FTO: variants seen among roughly 807,000 people sequenced by gnomAD.
FTO encodes alpha-ketoglutarate-dependent dioxygenase FTO.
Under a neutral mutation model 63.9 loss-of-function variants are expected in FTO, and 47 were observed. That is an observed-to-expected ratio of 0.74 (90% CI 0.58 to 0.94). The LOEUF (loss-of-function observed/expected upper bound fraction) is 0.94, where lower values mean the gene tolerates loss of function less well. Among genes scored for constraint, FTO ranks in the 40% least tolerant of loss-of-function variants. The pLI is 0.00. For synonymous variants in FTO, 207 were observed against 224.4 expected (o/e 0.92, Z 0.69); for missense variants, 562 against 618.1 (o/e 0.91, Z 0.96).
chr16:53,888,823 G>A lies in FTO; in HGVS notation c.1120-9G>A. On this transcript the variant is annotated splice_polypyrimidine_tract_variant and intron_variant, in intron 6 of 8. Coordinates refer to ENST00000471389, the MANE Select transcript of FTO (RefSeq NM_001080432.3). ...ATTAAAACCACCATCTTCTCTTTAT[G>A]GTCCACAGGTCGAGTTTGAGTGGCT... 1.2e-6 allele frequency: 2 copies of A among 1,613,840 alleles called. No homozygotes were observed. The highest frequency in any genetic ancestry group is 2.2e-5 in the South Asian group (2 of 91,070).
At chr16:53,948,335 G>A (rs538362854) in intron 8 of FTO, among the ~76,000 whole-genome samples, 3 of 152,340 alleles carry the variant, frequency 2.0e-5, no homozygotes, top group Admixed American at 2.0e-4. Context: ...GAGTTTTCTA[G>A]TGAATGCTAG....
chr16:53,920,495 A>C (rs1257709860), intron 7 of FTO, among the ~76,000 whole-genome samples: 2 of 152,250 alleles, frequency 1.3e-5, no homozygotes, highest in African/African-American at 4.8e-5. Flanking sequence ...TACATAGGGC[A>C]CATATAAAGT....
chr16:53,848,453 A>G (rs906891923), intron 4 of FTO, among the ~76,000 whole-genome samples: 1 of 152,220 alleles, frequency 6.6e-6, no homozygotes, highest in Admixed American at 6.5e-5. Flanking sequence ...GCAGTGCCTG[A>G]GGACATGCTT....
At chr16:54,041,084 AT>A (rs1235787607) in intron 8 of FTO, among the ~76,000 whole-genome samples, 2 of 152,240 alleles carry the variant, frequency 1.3e-5, no homozygotes, top group Non-Finnish European at 2.9e-5. Flanking sequence ...TAAGGGTACT[AT>A]TACTTTATCA....
At chr16:53,865,473 T>G (rs2080282710) in intron 4 of FTO, among the ~76,000 whole-genome samples, 2 of 152,212 alleles carry the variant, frequency 1.3e-5, no homozygotes, top group African/African-American at 4.8e-5. Flanking sequence ...AATTGCATTT[T>G]GTAGTTATTA....
At chr16:53,714,766 A>G (rs1031054195) in intron 1 of FTO, among the ~76,000 whole-genome samples, 1 of 152,172 alleles carries the variant, frequency 6.6e-6, no homozygotes, top group African/African-American at 2.4e-5. Flanking sequence ...CTCATAAAAC[A>G]CGATCCTTGT....
At chr16:53,909,532 CTTTTTTTTTTTTTT>C (rs58121446) in intron 7 of FTO, among the ~76,000 whole-genome samples, 2 of 71,192 alleles carry the variant, frequency 2.8e-5, no homozygotes, top group African/African-American at 1.4e-4. Flanking sequence ...AGAGCCCCGC[CTTTTTTTTTTTTTT>C]TTTTTTTTTT....
intron 1 of FTO, among the ~76,000 whole-genome samples, chr16:53,750,523 G>A (rs1246888970): frequency 6.6e-6 from 1 of 152,188 alleles, no homozygotes; most frequent in South Asian, 2.1e-4. Flanking sequence ...ACAGGCATGA[G>A]CCACTGTGCT....
At chr16:53,936,435 C>A (rs755195406) in intron 8 of FTO, among the ~76,000 whole-genome samples, 3 of 152,180 alleles carry the variant, frequency 2.0e-5, no homozygotes, top group African/African-American at 7.2e-5. Context: ...CTCATCCATG[C>A]GATCCGTATA....
At chr16:53,877,117 C>T (rs115725811) in intron 5 of FTO, among the ~76,000 whole-genome samples, 1,944 of 152,328 alleles carry the variant, frequency 0.013, 38 homozygotes, top group African/African-American at 0.044. Flanking sequence ...CCCATGTGCA[C>T]TGCCAGAGGG....
chr16:54,095,746 C>G (rs1297863900), intron 8 of FTO, among the ~76,000 whole-genome samples: 1 of 152,112 alleles, frequency 6.6e-6, no homozygotes, highest in South Asian at 2.1e-4. Flanking sequence ...TCTGCTGCCC[C>G]CCGCCTGGGA....
chr16:53,934,802 C>T (rs1006229831), intron 8 of FTO, among the ~76,000 whole-genome samples: 2 of 152,120 alleles, frequency 1.3e-5, no homozygotes, highest in African/African-American at 4.8e-5. Flanking sequence ...GGACCACTGA[C>T]ATATATAAGG....
chr16:53,777,468 T>G (rs1371206828), intron 1 of FTO, among the ~76,000 whole-genome samples: 1 of 152,222 alleles, frequency 6.6e-6, no homozygotes, highest in Non-Finnish European at 1.5e-5. Flanking sequence ...CGAAGCTATC[T>G]CAATTAACTT....
At chr16:53,779,740 T>C (rs1383373944) in intron 1 of FTO, among the ~76,000 whole-genome samples, 1 of 152,196 alleles carries the variant, frequency 6.6e-6, no homozygotes, top group Non-Finnish European at 1.5e-5. Flanking sequence ...TAATTTATAG[T>C]TTTATCTCAA....
At chr16:53,859,329 A>G (rs2080102573) in intron 4 of FTO, among the ~76,000 whole-genome samples, 1 of 152,048 alleles carries the variant, frequency 6.6e-6, no homozygotes, top group African/African-American at 2.4e-5. Context: ...TCCATTAGCA[A>G]TTAAGAAGGA....
At chr16:53,888,140 G>A (rs2081048596) in intron 6 of FTO, among the ~76,000 whole-genome samples, 1 of 151,958 alleles carries the variant, frequency 6.6e-6, no homozygotes, top group South Asian at 2.1e-4. Context: ...TAATAAATGT[G>A]TTTGAAAACC....
At chr16:53,776,374 A>G (rs1007503964) in intron 1 of FTO, among the ~76,000 whole-genome samples, 6 of 152,216 alleles carry the variant, frequency 3.9e-5, no homozygotes, top group Non-Finnish European at 1.5e-5. Context: ...AGCGAATTAC[A>G]CAATAAAGCC....
Position 54,111,764 on chromosome 16 carries a change from G to T in FTO, c.1367G>T (p.Cys456Phe). 1.9e-6 allele frequency: 3 copies of T among 1,614,092 alleles called. No individual in the cohort carries two copies. Among genetic ancestry groups the T allele is most frequent in the Non-Finnish European group, 2.5e-6 (3 of 1,179,994 alleles). The change falls in exon 9 of 9, where the codon TGC (cysteine) becomes TTC (phenylalanine). Residue 456 changes from cysteine (C) to phenylalanine (F), a missense_variant and splice_region_variant. Cys to Phe is a radical substitution (Grantham distance 205, BLOSUM62 -2). Coordinates refer to ENST00000471389, the MANE Select transcript of FTO (RefSeq NM_001080432.3). ...ATTTCCTATTTTTACTCTTCCAGGT[G>T]CCAGTCACGAATTGCCCGAACATTA... ...QNLRREWHAR[C>F]QSRIARTLPA... is the part of the protein sequence containing the mutation.
At chr16:53,942,938 G>T (rs1277413721) in intron 8 of FTO, among the ~76,000 whole-genome samples, 1 of 152,214 alleles carries the variant, frequency 6.6e-6, no homozygotes, top group Non-Finnish European at 1.5e-5. Flanking sequence ...AAACTTGTTT[G>T]CAGTGTTGGG....
Sources: gnomAD v4.1 joint callset for allele counts (sites outside exome capture counted in the v4.1 genomes callset) on GRCh38, gnomAD v4.1.1 for gene constraint, MANE v1.5 for transcripts, NCBI Gene and HGNC (gene_info 2026-07-23, HGNC 2026-07-21) for gene names.